The following CFAP100 variants were observed in gnomAD, a reference collection of about 807,000 sequenced individuals.
CFAP100 encodes cilia- and flagella-associated protein 100.
In CFAP100, 70 loss-of-function variants were observed where a neutral mutation model predicts 81.5. The ratio of observed to expected loss-of-function variants is 0.86; its 90% CI spans 0.71 to 1.05. The LOEUF is 1.05. Ranked by LOEUF, CFAP100 falls within the 50% of genes least tolerant of loss-of-function variation. The pLI is 0.00. For synonymous variants in CFAP100, 341 were observed against 314.8 expected, an observed-to-expected ratio of 1.08 and a Z score of -0.88; for missense variants, 811 against 776.5, an observed-to-expected ratio of 1.04 and a Z score of -0.53.
At position 126,419,742 on chromosome 3, in the gene CFAP100, C is replaced by T. The variant is rs147317526; in HGVS notation, c.837C>T (p.His279=). The T allele has an allele frequency of 4.0e-5, 65 of 1,614,026 alleles. No homozygotes were observed. The African/African-American group carries it at 7.3e-4, about 18-fold the overall frequency. ...GGCTTGAAGAACAGGAAAAGAAACACTCGTTTCTCAAAAAGGCCAAGGAGG... is the reference window on the plus strand; with the variant it reads ...GGCTTGAAGAACAGGAAAAGAAACATTCGTTTCTCAAAAAGGCCAAGGAGG... ...KEWLEEQEKK[H]SFLKKAKEVS... The change falls in exon 9 of 17, where the codon CAC becomes CAT. Residue 279 remains histidine, a synonymous_variant. Transcript: ENST00000352312.
Position 126,419,732 on chromosome 3 carries a change from A to C in CFAP100, c.827A>C (p.Glu276Ala), listed in dbSNP as rs1470063116. The change falls in exon 9 of 17, where the codon GAA becomes GCA. Residue 276 changes from glutamate to alanine, a missense_variant. Transcript: ENST00000352312. ...CCCAAGGAGTGGCTTGAAGAACAGG[A>C]AAAGAAACACTCGTTTCTCAAAAAG... is the stretch of plus-strand genomic sequence containing the variant. ...LSPKEWLEEQ[E>A]KKHSFLKKAK... 1 of 1,613,948 alleles carries C rather than the reference A, an allele frequency of 6.2e-7. No individual in the cohort carries two copies. The highest frequency in any genetic ancestry group is 1.1e-5 in the South Asian group (1 of 91,092).
chr3:126,434,707 G>A lies in CFAP100; in HGVS notation c.1628+326G>A, dbSNP rs1439925326. 1.7e-5 allele frequency: 5 copies of A among 292,756 alleles called. No homozygotes were observed. In the Admixed American group the frequency reaches 1.9e-4, roughly 11 times the overall value. 18.1% of individuals were successfully genotyped at this position (292,756 alleles called of 1,614,324 possible). On this transcript the variant is annotated intron_variant, in intron 15 of 16. Coordinates refer to ENST00000352312, the MANE Select transcript of CFAP100 (RefSeq NM_182628.3). ...AGCCTCAAATACATGGAACAGCAGT[G>A]GAGGGCTTTAAGCAGTGGGGCAAAC...
At chr3:126,407,093 T>C (rs1409283184) in intron 2 of CFAP100, 79 bp from the exon 3 acceptor site, 2 of 952,098 alleles carry the variant, frequency 2.1e-6, no homozygotes, top group Non-Finnish European at 3.3e-6. Context: ...TCTGAGACAT[T>C]CCCCGCCTCA....
At chr3:126,419,045 C>A in intron 7 of CFAP100, 31 bp from the exon 8 acceptor site, 1 of 858,118 alleles carries the variant, frequency 1.2e-6, no homozygotes, top group South Asian at 1.6e-5. Flanking sequence ...CCCTTGCCCC[C>A]ATCCCTCCTC....
chr3:126,412,712 T>C (rs2222036), intron 3 of CFAP100, among the ~76,000 whole-genome samples: 10,277 of 152,222 alleles, frequency 0.068, 420 homozygotes, highest in Admixed American at 0.14. Context: ...ACATCAATCA[T>C]CTTCACATGA....
At position 126,416,347 on chromosome 3, in the gene CFAP100, A is replaced by C; in HGVS notation, c.257A>C (p.His86Pro). 6.2e-7 allele frequency: 1 copy of C among 1,604,460 alleles called. No individual in the cohort carries two copies. The highest frequency in any genetic ancestry group is 8.5e-7 in the Non-Finnish European group (1 of 1,174,526). ...CAGCAGCAGAAGACGATGCGGGTGC[A>C]CCAGAAGATGACCTACTCCTCGAAA... ...ERQQQKTMRV[H>P]QKMTYSSKVS... The change falls in exon 5 of 17, where the codon CAC (histidine) becomes CCC (proline). Residue 86 changes from histidine (H) to proline (P), a missense_variant. Transcript: ENST00000352312.
At chr3:126,420,057 C>T in intron 10 of CFAP100, 36 bp downstream of exon 10, 1 of 1,613,270 alleles carries the variant, frequency 6.2e-7, no homozygotes, top group Non-Finnish European at 8.5e-7. Flanking sequence ...AGGAGCCTGG[C>T]TCTGCCCTGC....
Position 126,435,542 on chromosome 3 carries a change from C to T in CFAP100, c.1629-17C>T, listed in dbSNP as rs562747592. 3 of 1,606,612 alleles carry T rather than the reference C, an allele frequency of 1.9e-6. No individual in the cohort carries two copies. The highest frequency in any genetic ancestry group is 1.7e-4 in the Middle Eastern group (1 of 6,022). ...TCCAGGTCCCCCCAGTTTTCAATGT[C>T]ATTTCTTGCCACCCAGACTTCGAGA... On this transcript the variant is annotated splice_polypyrimidine_tract_variant and intron_variant, in intron 15 of 16. Transcript: ENST00000352312.
chr3:126,435,979 C>T (rs577164197), intron 16 of CFAP100, among the ~76,000 whole-genome samples: 20 of 152,324 alleles, frequency 1.3e-4, no homozygotes, highest in South Asian at 6.2e-4. Flanking sequence ...GCTCACTGCC[C>T]GTCACTGGGG....
rs2083371184 is a variant in CFAP100 at position 126,423,784 on chromosome 3, G to A, written c.1286+140G>A. 2.8e-6 allele frequency: 3 copies of A among 1,084,180 alleles called. No individual in the cohort carries two copies. The East Asian group carries it at 7.6e-5, about 27-fold the overall frequency. The allele number at this position is 1,084,180 out of a possible 1,614,324, so 67.2% of individuals were successfully genotyped here. A position where few individuals can be genotyped will look rare whatever the true frequency, so the allele number is the denominator to read the frequency against. ...GTCCAGGTTGTCTGAAAAGCTCCGA[G>A]CGAAGCTCCGTTTGTGGGCCGGATC... On this transcript the variant is annotated intron_variant, in intron 13 of 16. Transcript: ENST00000352312.
At chr3:126,433,274 C>T in intron 14 of CFAP100, 70 bp downstream of exon 14, 1 of 1,566,894 alleles carries the variant, frequency 6.4e-7, no homozygotes, top group Non-Finnish European at 8.7e-7. Flanking sequence ...CTGGAGGAGC[C>T]CTGACAGCCC....
chr3:126,404,877 G>A (rs567774089), intron 2 of CFAP100, among the ~76,000 whole-genome samples: 2 of 152,186 alleles, frequency 1.3e-5, no homozygotes, highest in South Asian at 2.1e-4. Flanking sequence ...GTTTCACCAT[G>A]TTGGCCAGGA....
At chr3:126,434,632 T>A (rs368284080) in intron 15 of CFAP100, 10 of 492,752 alleles carry the variant, frequency 2.0e-5, no homozygotes, top group Middle Eastern at 5.4e-4. Context: ...AGGGACAGGG[T>A]CTAGAAGATA....
At position 126,419,944 on chromosome 3, in the gene CFAP100, C is replaced by T. The variant is rs368552983; in HGVS notation, c.914-36C>T. The T allele has an allele frequency of 2.0e-5, 32 of 1,612,678 alleles. No individual in the cohort carries two copies. In the African/African-American group the frequency reaches 4.1e-4, roughly 21 times the overall value. On this transcript the variant is annotated intron_variant, in intron 9 of 16. Transcript: ENST00000352312. ...TGGCGTTGCTGAAGCTTGGCTGCAG[C>T]TGAGGCCATCGGGGCCCCCCCTTTG...
rs73859269 is a variant in CFAP100, at chr3:126,423,018, G to A, written c.1083-307G>A. Among the ~76,000 whole-genome samples, 640 of 152,290 alleles carry A rather than the reference G, an allele frequency of 4.2e-3. 7 individuals are homozygous for A. The highest frequency in any genetic ancestry group is 0.014 in the African/African-American group (600 of 41,554). On this transcript the variant is annotated intron_variant, in intron 11 of 16. Transcript: ENST00000352312. ...GTTTTATTCTAAGTGCAGTGGAGCT[G>A]GGATGGGTGAGGGCCATCTGGCCAC...
rs112357455 is a variant in CFAP100 at position 126,409,169 on chromosome 3, A to T, written c.130+1917A>T. On this transcript the variant is annotated intron_variant, in intron 3 of 16. Transcript: ENST00000352312. ...CTAGACCATTTCCATCTCCCCAGAA[A>T]TTATCCGTCCCCCAGAGACAGGCAC... is the stretch of plus-strand genomic sequence containing the variant. Among the ~76,000 whole-genome samples, 1,000 of 152,202 alleles carry T rather than the reference A, an allele frequency of 6.6e-3. 8 individuals are homozygous for T. Among genetic ancestry groups the T allele is most frequent in the African/African-American group, 0.023 (939 of 41,518 alleles).
intron 3 of CFAP100, among the ~76,000 whole-genome samples, chr3:126,413,280 C>T (rs1056016510): frequency 1.3e-5 from 2 of 152,222 alleles, no homozygotes; most frequent in African/African-American, 4.8e-5. Flanking sequence ...CAGGCTGCAC[C>T]TCCTTACCCC....
chr3:126,403,343 C>T (rs1560062669), intron 2 of CFAP100, among the ~76,000 whole-genome samples: 1 of 150,742 alleles, frequency 6.6e-6, no homozygotes, highest in Non-Finnish European at 1.5e-5. Flanking sequence ...GTTTGGAACT[C>T]ATGTCACATG....
At chr3:126,399,159 CCT>C (rs2082933214) in intron 2 of CFAP100, among the ~76,000 whole-genome samples, 1 of 152,208 alleles carries the variant, frequency 6.6e-6, no homozygotes, top group South Asian at 2.1e-4. Context: ...ATTGCTGTTC[CCT>C]GTTTCATTTT....
Sources: gnomAD v4.1 joint callset for allele counts (sites outside exome capture counted in the v4.1 genomes callset) on GRCh38, gnomAD v4.1.1 for gene constraint, MANE v1.5 for transcripts, NCBI Gene and HGNC (gene_info 2026-07-23, HGNC 2026-07-21) for gene names.